Variants in SPMAP2L observed in about 807,000 individuals in gnomAD.
SPMAP2L encodes sperm microtubule associated protein 2 like.
the SPMAP2L span, among the ~76,000 whole-genome samples, chr4:56,624,457 G>A: frequency 6.6e-5 from 10 of 152,210 alleles, no homozygotes; most frequent in Admixed American, 6.5e-4. Context: ...AAGACCATGG[G>A]GAAAATGTCT....
the SPMAP2L span, among the ~76,000 whole-genome samples, chr4:56,619,220 C>T: frequency 1.3e-5 from 2 of 152,150 alleles, no homozygotes; most frequent in Admixed American, 1.3e-4. Flanking sequence ...CAAAATATTG[C>T]ATTGTACCCT....
the SPMAP2L span, among the ~76,000 whole-genome samples, chr4:56,561,505 A>G: frequency 6.6e-6 from 1 of 152,112 alleles, no homozygotes; most frequent in African/African-American, 2.4e-5. Context: ...GTCAAAGGGA[A>G]AGCAGGCATG....
the SPMAP2L span, chr4:56,595,354 G>A: frequency 6.2e-7 from 1 of 1,604,404 alleles, no homozygotes; most frequent in Non-Finnish European, 8.5e-7. Flanking sequence ...CTGGCCTGTG[G>A]CAGGGACCCT....
At chr4:56,595,769 G>A in the SPMAP2L span, 10 of 814,266 alleles carry the variant, frequency 1.2e-5, no homozygotes, top group Non-Finnish European at 2.0e-5. Context: ...TCTCCCCAGA[G>A]CATTTGATAA....
the SPMAP2L span, among the ~76,000 whole-genome samples, chr4:56,580,560 A>G: frequency 1.3e-5 from 2 of 152,156 alleles, no homozygotes; most frequent in African/African-American, 2.4e-5. Context: ...GACATCAGGA[A>G]CAAGCAAAGT....
chr4:56,532,252 G>A, the SPMAP2L span, among the ~76,000 whole-genome samples: 4 of 151,332 alleles, frequency 2.6e-5, no homozygotes, highest in Non-Finnish European at 5.9e-5. Flanking sequence ...ATTCTTTATC[G>A]AGAAAATAGA....
the SPMAP2L span, chr4:56,596,493 C>T: frequency 6.6e-7 from 1 of 1,510,792 alleles, no homozygotes; most frequent in South Asian, 1.3e-5. Flanking sequence ...TTATTTTTCT[C>T]CCCTAGATGC....
chr4:56,578,726 A>G, the SPMAP2L span, among the ~76,000 whole-genome samples: 17 of 152,198 alleles, frequency 1.1e-4, no homozygotes. Context: ...AGACTTTAAG[A>G]CAAACATTGT....
the SPMAP2L span, among the ~76,000 whole-genome samples, chr4:56,533,141 G>T: frequency 3.3e-5 from 5 of 152,006 alleles, no homozygotes; most frequent in South Asian, 2.1e-4. Context: ...TCGAACCCTT[G>T]CCTGCACTTG....
chr4:56,593,439 G>A, the SPMAP2L span: 15 of 1,536,786 alleles, frequency 9.8e-6, no homozygotes, highest in African/African-American at 1.9e-4. Context: ...TCAGCGGAGT[G>A]TTGTTCCAGT....
the SPMAP2L span, among the ~76,000 whole-genome samples, chr4:56,569,751 TG>T: frequency 6.6e-6 from 1 of 152,078 alleles, no homozygotes; most frequent in Admixed American, 6.6e-5. Context: ...AGGCCATGAT[TG>T]CATCACTGCA....
chr4:56,607,964 ACCT>A, the SPMAP2L span, among the ~76,000 whole-genome samples: 1 of 150,372 alleles, frequency 6.7e-6, no homozygotes, highest in Non-Finnish European at 1.5e-5. Context: ...CTGCATTCTA[ACCT>A]AAGCAACAGA....
chr4:56,589,366 T>G, the SPMAP2L span, among the ~76,000 whole-genome samples: 1 of 152,218 alleles, frequency 6.6e-6, no homozygotes, highest in African/African-American at 2.4e-5. Flanking sequence ...TCAGGTAGTG[T>G]GAGGCCTCCA....
At chr4:56,620,099 G>A in the SPMAP2L span, among the ~76,000 whole-genome samples, 3 of 152,144 alleles carry the variant, frequency 2.0e-5, no homozygotes, top group East Asian at 3.9e-4. Flanking sequence ...CTTCAGCAGC[G>A]AGGCTGTAAA....
the SPMAP2L span, among the ~76,000 whole-genome samples, chr4:56,606,199 G>A: frequency 6.6e-6 from 1 of 152,176 alleles, no homozygotes; most frequent in African/African-American, 2.4e-5. Flanking sequence ...TAACCAAAGA[G>A]GATACAGGAA....
At chr4:56,616,076 G>A in the SPMAP2L span, among the ~76,000 whole-genome samples, 1 of 152,142 alleles carries the variant, frequency 6.6e-6, no homozygotes, top group African/African-American at 2.4e-5. Context: ...TAGCACCATG[G>A]ATTAGTTTGC....
the SPMAP2L span, among the ~76,000 whole-genome samples, chr4:56,534,854 GGGAGGT>G: frequency 6.6e-6 from 1 of 152,146 alleles, no homozygotes; most frequent in Non-Finnish European, 1.5e-5. Flanking sequence ...GCTTGAACCT[GGGAGGT>G]GGAAGTTGCA....
chr4:56,625,985 G>A, the SPMAP2L span, among the ~76,000 whole-genome samples: 1 of 152,138 alleles, frequency 6.6e-6, no homozygotes, highest in Non-Finnish European at 1.5e-5. Flanking sequence ...GGCCACACTG[G>A]TCCCTGCTGC....
the SPMAP2L span, among the ~76,000 whole-genome samples, chr4:56,623,878 C>T: frequency 6.6e-6 from 1 of 152,132 alleles, no homozygotes; most frequent in Non-Finnish European, 1.5e-5. Context: ...CAGACTAATA[C>T]AGTAAATTGG....
Sources: allele counts gnomAD v4.1 joint callset (sites outside exome capture counted in the v4.1 genomes callset), GRCh38; gene constraint gnomAD v4.1.1; transcripts MANE v1.5; gene names NCBI Gene and HGNC (gene_info 2026-07-23, HGNC 2026-07-21).